The following FAM135A variants were observed in gnomAD, a reference collection of about 807,000 sequenced individuals.
The protein encoded by FAM135A is protein FAM135A.
FAM135A carries 79 observed loss-of-function variants against 146.8 expected under a neutral mutation model. The observed-to-expected ratio is 0.54, with a 90% confidence interval of 0.45 to 0.65. FAM135A has a LOEUF of 0.65. Ranked by LOEUF, FAM135A falls within the 30% of genes least tolerant of loss-of-function variation. The pLI, the probability that FAM135A is intolerant of heterozygous loss-of-function variation, is 0.00. For synonymous variants in FAM135A, 562 were observed against 603.6 expected (o/e 0.93, Z 1.01); for missense variants, 1,623 against 1,758.2 (o/e 0.92, Z 1.38).
intron 5 of FAM135A, among the ~76,000 whole-genome samples, chr6:70,457,839 A>G (rs1778663538): frequency 6.6e-6 from 1 of 152,110 alleles, no homozygotes; most frequent in South Asian, 2.1e-4. Context: ...GCCCAAATAG[A>G]GTACCTTCTC....
chr6:70,549,236 G>A (rs924952770), intron 20 of FAM135A, among the ~76,000 whole-genome samples: 3 of 151,958 alleles, frequency 2.0e-5, no homozygotes, highest in East Asian at 1.9e-4. Flanking sequence ...AAGTGGAATC[G>A]ACATAAATGT....
intron 4 of FAM135A, among the ~76,000 whole-genome samples, chr6:70,442,774 C>T (rs1181961901): frequency 2.0e-5 from 3 of 151,952 alleles, no homozygotes; most frequent in African/African-American, 7.2e-5. Flanking sequence ...TCCTTTGATA[C>T]AATGCTATAG....
chr6:70,520,442 G>T (rs1228490337), intron 12 of FAM135A, among the ~76,000 whole-genome samples: 1 of 152,030 alleles, frequency 6.6e-6, no homozygotes, highest in Admixed American at 6.6e-5. Context: ...GTATAGAATT[G>T]TAATATAAAT....
chr6:70,424,445 C>T (rs558392520), intron 2 of FAM135A, among the ~76,000 whole-genome samples: 2 of 152,344 alleles, frequency 1.3e-5, no homozygotes, highest in Non-Finnish European at 2.9e-5. Flanking sequence ...TTATTTCTGT[C>T]TATGCACCCA....
At chr6:70,467,688 T>C (rs9455123) in intron 5 of FAM135A, among the ~76,000 whole-genome samples, 3,825 of 152,084 alleles carry the variant, frequency 0.025, 169 homozygotes, top group African/African-American at 0.088. Context: ...TCTCTTATTC[T>C]CTCTCCCACT....
intron 4 of FAM135A, among the ~76,000 whole-genome samples, chr6:70,442,108 A>G (rs1272026959): frequency 6.6e-6 from 1 of 151,984 alleles, no homozygotes; most frequent in African/African-American, 2.4e-5. Flanking sequence ...TATAGCGAAA[A>G]TCTTGGTTCC....
chr6:70,439,212 A>T (rs936959768), intron 4 of FAM135A, among the ~76,000 whole-genome samples: 1 of 152,160 alleles, frequency 6.6e-6, no homozygotes, highest in Admixed American at 6.6e-5. Flanking sequence ...GGAGACATGG[A>T]CCCAGAAACG....
intron 5 of FAM135A, among the ~76,000 whole-genome samples, chr6:70,469,819 A>G (rs1381931296): frequency 6.6e-6 from 1 of 152,112 alleles, no homozygotes; most frequent in African/African-American, 2.4e-5. Flanking sequence ...TAAGAAGTGT[A>G]TCAAGAATGA....
intron 12 of FAM135A, among the ~76,000 whole-genome samples, chr6:70,511,153 C>A (rs538115815): frequency 6.6e-6 from 1 of 151,932 alleles, no homozygotes; most frequent in East Asian, 1.9e-4. Context: ...TGTTGAGTTT[C>A]AGTTATTTAT....
chr6:70,491,386 A>G (rs80301507), intron 11 of FAM135A, among the ~76,000 whole-genome samples: 3,836 of 152,072 alleles, frequency 0.025, 166 homozygotes, highest in African/African-American at 0.088. Context: ...TTTTTAAAAC[A>G]TCACTTAAAC....
At chr6:70,451,208 C>G (rs1463349363) in intron 4 of FAM135A, among the ~76,000 whole-genome samples, 1 of 152,134 alleles carries the variant, frequency 6.6e-6, no homozygotes, top group African/African-American at 2.4e-5. Flanking sequence ...GAACACTTAA[C>G]TGTGTGTAAA....
chr6:70,556,719 T>C (rs1182102720), intron 20 of FAM135A, 31 bp from the exon 21 acceptor site: 1 of 1,400,046 alleles, frequency 7.1e-7, no homozygotes, highest in East Asian at 2.4e-5. Context: ...AGTTAACTAC[T>C]GCATTATAAT....
intron 8 of FAM135A, among the ~76,000 whole-genome samples, chr6:70,479,246 G>A (rs184581157): frequency 2.3e-4 from 35 of 152,194 alleles, no homozygotes; most frequent in Non-Finnish European, 2.8e-4. Context: ...CATCACCATC[G>A]TAGTGAGTTA....
At chr6:70,502,980 A>G (rs932716322) in intron 12 of FAM135A, 189 bp downstream of exon 12, 4 of 489,980 alleles carry the variant, frequency 8.2e-6, no homozygotes, top group African/African-American at 3.9e-5. Flanking sequence ...CATATGACCT[A>G]TTTCAATCAC....
At chr6:70,544,423 G>A (rs950014850) in intron 20 of FAM135A, among the ~76,000 whole-genome samples, 3 of 152,146 alleles carry the variant, frequency 2.0e-5, no homozygotes, top group Non-Finnish European at 4.4e-5. Context: ...AGCTACTCGG[G>A]AGGCTGAGGC....
chr6:70,417,490 G>T, intron 2 of FAM135A: 1 of 544,000 alleles, frequency 1.8e-6, no homozygotes, highest in Non-Finnish European at 2.3e-6. Flanking sequence ...TGGGATTACA[G>T]GCATGAACTA....
chr6:70,433,839 A>G (rs1053563286), intron 4 of FAM135A, among the ~76,000 whole-genome samples: 1 of 152,254 alleles, frequency 6.6e-6, no homozygotes, highest in East Asian at 1.9e-4. Flanking sequence ...GAATAAACAG[A>G]TTACTAATGT....
At chr6:70,420,341 G>A (rs920446063) in intron 2 of FAM135A, among the ~76,000 whole-genome samples, 13 of 152,160 alleles carry the variant, frequency 8.5e-5, no homozygotes, top group African/African-American at 3.1e-4. Flanking sequence ...CTTAGTTTTG[G>A]ATGTGTCCAT....
intron 18 of FAM135A, chr6:70,535,907 A>C (rs1796701061): frequency 6.3e-6 from 1 of 158,644 alleles, no homozygotes; most frequent in African/African-American, 2.4e-5. Flanking sequence ...ATGATGAATT[A>C]AGAAGTAAAT....
Sources: allele counts gnomAD v4.1 joint callset (sites outside exome capture counted in the v4.1 genomes callset), GRCh38; gene constraint gnomAD v4.1.1; transcripts MANE v1.5; gene names NCBI Gene and HGNC (gene_info 2026-07-23, HGNC 2026-07-21).